Variants in MAP3K1 observed in about 807,000 individuals in gnomAD.
MAP3K1 encodes the protein mitogen-activated protein kinase kinase kinase 1.
In MAP3K1, 36 loss-of-function variants were observed where a neutral mutation model predicts 144.2. The ratio of observed to expected loss-of-function variants is 0.25; its 90% CI spans 0.19 to 0.33. The LOEUF (loss-of-function observed/expected upper bound fraction) is 0.33, where lower values mean the gene tolerates loss of function less well. MAP3K1 is among the 10% of genes least tolerant of loss of function. MAP3K1 has a pLI of 1.00. For missense variants in MAP3K1, 1,650 were observed against 1,881.9 expected, an observed-to-expected ratio of 0.88 and a Z score of 2.28; for synonymous variants, 718 against 688.7, an observed-to-expected ratio of 1.04 and a Z score of -0.67.
chr5:56,867,999 G>T (rs1336016689), intron 6 of MAP3K1, among the ~76,000 whole-genome samples: 1 of 152,158 alleles, frequency 6.6e-6, no homozygotes, highest in Non-Finnish European at 1.5e-5. Context: ...AATATATTAT[G>T]CATGAACCCA....
rs1419329571 is a variant in MAP3K1 at position 56,815,883 on chromosome 5, G to A, written c.310G>A (p.Gly104Ser). The A allele has an allele frequency of 5.0e-5, 69 of 1,372,674 alleles. No homozygotes were observed. Among genetic ancestry groups the A allele is most frequent in the Non-Finnish European group, 6.1e-5 (65 of 1,058,736 alleles). The allele number at this position is 1,372,674 out of a possible 1,614,324, so 85.0% of individuals were successfully genotyped here. A position where few individuals can be genotyped will look rare whatever the true frequency, so the allele number is the denominator to read the frequency against. ...EPADAAGSGTGFQPVAVPPPH... is the reference protein window; with the variant it reads ...EPADAAGSGTSFQPVAVPPPH... Reference sequence around the variant, plus strand: ...CGCGGACGCAGCGGGGAGTGGGACCGGCTTCCAGCCTGTGGCGGTGCCGCC... The same window carrying A: ...CGCGGACGCAGCGGGGAGTGGGACCAGCTTCCAGCCTGTGGCGGTGCCGCC... Residue 104 changes from glycine to serine, a missense_variant, in exon 1 of 20, where the codon GGC becomes AGC. Gly to Ser is a moderately conservative substitution (Grantham distance 56). Around this residue, in one of 6 missense-constraint regions of MAP3K1, gnomAD observed 360 missense variants for 274.7 expected, o/e 1.31. Transcript: ENST00000399503.
intron 1 of MAP3K1, among the ~76,000 whole-genome samples, chr5:56,825,277 T>A (rs1364245878): frequency 1.3e-5 from 2 of 152,182 alleles, no homozygotes; most frequent in Admixed American, 1.3e-4. Context: ...CTTCCCAAAG[T>A]GCTGAGATTA....
Position 56,884,097 on chromosome 5 carries a change from C to T in MAP3K1, c.3819+418C>T, listed in dbSNP as rs1206906399. ...TCAGGAGGTAGAGGTTGCAGTGAGC[C>T]GAGATCGCACCACTGTACTCCAGCC... On this transcript the variant is annotated intron_variant, in intron 15 of 19. Coordinates refer to ENST00000399503, the MANE Select transcript of MAP3K1 (RefSeq NM_005921.2). Among the ~76,000 whole-genome samples the T allele has an allele frequency of 4.0e-5, 6 of 151,812 alleles. No homozygotes were observed. In the East Asian group the frequency reaches 5.8e-4, roughly 15 times the overall value.
In MAP3K1 at chr5:56,888,218, T is replaced by G. The variant is rs1447320031; in HGVS notation, c.4258-8T>G. 1 of 1,613,188 alleles carries G rather than the reference T, an allele frequency of 6.2e-7. No homozygotes were observed. ...TCCTATTTCCAAATTAACTCTGATT[T>G]ATTTTAGGTACTAAGAGGTCAACAG... On this transcript the variant is annotated splice_polypyrimidine_tract_variant and splice_region_variant and intron_variant, in intron 18 of 19. Transcript: ENST00000399503.
At chr5:56,836,662 T>C (rs1746664630) in intron 1 of MAP3K1, among the ~76,000 whole-genome samples, 1 of 152,138 alleles carries the variant, frequency 6.6e-6, no homozygotes, top group African/African-American at 2.4e-5. Context: ...ATTGAAGTTT[T>C]GTCTTGTGTA....
chr5:56,864,631 C>T, intron 3 of MAP3K1, 103 bp from the exon 4 acceptor site: 1 of 1,272,286 alleles, frequency 7.9e-7, no homozygotes, highest in Non-Finnish European at 1.1e-6. Flanking sequence ...CCTCGGCCTC[C>T]CAAAGTGCTG....
chr5:56,859,291 A>C (rs552294997), intron 2 of MAP3K1, among the ~76,000 whole-genome samples: 48 of 152,278 alleles, frequency 3.2e-4, no homozygotes, highest in African/African-American at 1.1e-3. Flanking sequence ...ATTTTGTAAA[A>C]ACAAATAAAA....
rs1748220081 is a variant in MAP3K1 at position 56,881,860 on chromosome 5, C to T, written c.2660C>T (p.Ala887Val). 6.8e-6 allele frequency: 11 copies of T among 1,613,980 alleles called. No homozygotes were observed. Among genetic ancestry groups the T allele is most frequent in the African/African-American group, 1.3e-5 (1 of 74,898 alleles). Reference sequence around the variant, plus strand: ...GGTCAACAGGACAGCTTCTTGCAGGCATCTGTTCCCAACAACTATCTGGAA... The same window carrying T: ...GGTCAACAGGACAGCTTCTTGCAGGTATCTGTTCCCAACAACTATCTGGAA... ...LDGQQDSFLQ[A>V]SVPNNYLETT... The change falls in exon 14 of 20, where the codon GCA becomes GTA. Residue 887 changes from alanine to valine, a missense_variant. By Grantham distance (64) the Ala-to-Val change is moderately conservative. Transcript: ENST00000399503.
intron 19 of MAP3K1, among the ~76,000 whole-genome samples, chr5:56,892,189 T>C (rs1748569458): frequency 6.6e-6 from 1 of 152,250 alleles, no homozygotes; most frequent in African/African-American, 2.4e-5. Flanking sequence ...TCCATTTGTT[T>C]GTGTCCTCTT....
chr5:56,825,965 T>TAA (rs1296587680), intron 1 of MAP3K1, among the ~76,000 whole-genome samples: 1 of 148,458 alleles, frequency 6.7e-6, no homozygotes, highest in African/African-American at 2.4e-5. Flanking sequence ...CTGACCGTTC[T>TAA]TCTTTTTTTT....
chr5:56,879,601 C>G (rs1043742212), intron 11 of MAP3K1, among the ~76,000 whole-genome samples: 1 of 151,982 alleles, frequency 6.6e-6, no homozygotes, highest in Non-Finnish European at 1.5e-5. Context: ...CCTGCAATAT[C>G]CTTAAAAATT....
At chr5:56,830,078 G>A (rs1349103152) in intron 1 of MAP3K1, among the ~76,000 whole-genome samples, 2 of 152,080 alleles carry the variant, frequency 1.3e-5, no homozygotes, top group Admixed American at 1.3e-4. Context: ...ACTAAGTGTT[G>A]GTGATAAGAT....
chr5:56,816,634 G>C (rs565469442), intron 1 of MAP3K1, among the ~76,000 whole-genome samples: 7 of 152,146 alleles, frequency 4.6e-5, no homozygotes, highest in Non-Finnish European at 8.8e-5. Flanking sequence ...AGATACCGCG[G>C]GCTGGGCCCG....
intron 1 of MAP3K1, among the ~76,000 whole-genome samples, chr5:56,850,650 TG>T (rs1212259441): frequency 6.6e-6 from 1 of 152,092 alleles, no homozygotes; most frequent in African/African-American, 2.4e-5. Context: ...ATCAAACCTG[TG>T]GGGGTTTGAA....
Position 56,879,037 on chromosome 5 carries a change from A to G in MAP3K1, c.2023A>G (p.Lys675Glu), listed in dbSNP as rs1424010638. ...TTGCCACAGTTTAGCGGAAAGAATC[A>G]AACTTCAGAGACTTCTCCAGCCAGT... The part of the protein sequence containing the change: ...TPCHSLAERI[K>E]LQRLLQPVVD... Residue 675 changes from lysine (K) to glutamate (E), a missense_variant, in exon 11 of 20, where the codon AAA (lysine) becomes GAA (glutamate). By Grantham distance (56) the Lys-to-Glu change is moderately conservative. This residue lies in a region of MAP3K1 where 841 missense variants were observed against 886.5 expected (regional missense o/e 0.95). Coordinates refer to ENST00000399503, the MANE Select transcript of MAP3K1 (RefSeq NM_005921.2). 6.2e-7 allele frequency: 1 copy of G among 1,613,876 alleles called. No homozygotes were observed. The highest frequency in any genetic ancestry group is 2.2e-5 in the East Asian group (1 of 44,884).
At chr5:56,828,161 A>T (rs900155590) in intron 1 of MAP3K1, among the ~76,000 whole-genome samples, 3 of 152,228 alleles carry the variant, frequency 2.0e-5, no homozygotes, top group Non-Finnish European at 2.9e-5. Context: ...GTTTGTGTAG[A>T]TAATACATCA....
intron 10 of MAP3K1, among the ~76,000 whole-genome samples, chr5:56,877,848 A>G (rs187710708): frequency 3.7e-4 from 57 of 152,258 alleles, no homozygotes; most frequent in African/African-American, 1.2e-3. Context: ...CTCATCCATG[A>G]CAGTTCCTCA....
At chr5:56,844,589 G>A (rs1746933447) in intron 1 of MAP3K1, among the ~76,000 whole-genome samples, 1 of 152,014 alleles carries the variant, frequency 6.6e-6, no homozygotes, top group African/African-American at 2.4e-5. Context: ...CACCTCCTCT[G>A]TGGATCTTTT....
At chr5:56,838,123 C>G (rs1746708986) in intron 1 of MAP3K1, among the ~76,000 whole-genome samples, 1 of 152,152 alleles carries the variant, frequency 6.6e-6, no homozygotes, top group African/African-American at 2.4e-5. Context: ...AGGTTGATAA[C>G]TTTGGTCCGG....
Sources: gnomAD v4.1 joint callset for allele counts (sites outside exome capture counted in the v4.1 genomes callset) on GRCh38, gnomAD v4.1.1 for gene constraint, gnomAD v4.1.1 regional missense constraint, MANE v1.5 for transcripts, NCBI Gene and HGNC (gene_info 2026-07-23, HGNC 2026-07-21) for gene names.